CDH13: variants seen among roughly 807,000 people sequenced by gnomAD.
The protein encoded by CDH13 is cadherin-13.
Under a neutral mutation model 63.8 loss-of-function variants are expected in CDH13, and 24 were observed. That is an observed-to-expected ratio of 0.38 (90% confidence interval 0.27 to 0.53). The LOEUF (loss-of-function observed/expected upper bound fraction) is 0.53, where lower values mean the gene tolerates loss of function less well. Among genes scored for constraint, CDH13 ranks in the 20% least tolerant of loss-of-function variants. The pLI is 0.85. For synonymous variants in CDH13, 503 were observed against 355.3 expected, an observed-to-expected ratio of 1.42 and a Z score of -4.67; for missense variants, 1,049 against 903.1, an observed-to-expected ratio of 1.16 and a Z score of -2.07.
intron 5 of CDH13, among the ~76,000 whole-genome samples, chr16:83,333,956 G>C (rs979242936): frequency 6.6e-6 from 1 of 152,174 alleles, no homozygotes; most frequent in African/African-American, 2.4e-5. Context: ...TTGCAGTTCT[G>C]TAAGCTGAGA....
intron 10 of CDH13, among the ~76,000 whole-genome samples, chr16:83,680,033 T>C (rs1293093275): frequency 6.6e-6 from 1 of 152,204 alleles, no homozygotes; most frequent in African/African-American, 2.4e-5. Flanking sequence ...AGACCAGCTC[T>C]GCTGACTTGG....
intron 1 of CDH13, among the ~76,000 whole-genome samples, chr16:82,808,246 A>T (rs139511453): frequency 2.6e-3 from 390 of 152,306 alleles, no homozygotes; most frequent in African/African-American, 8.9e-3. Context: ...TGCACGCATG[A>T]AATGATTTGC....
chr16:82,961,285 G>A (rs34071857), intron 2 of CDH13, among the ~76,000 whole-genome samples: 5 of 152,056 alleles, frequency 3.3e-5, no homozygotes, highest in South Asian at 2.1e-4. Context: ...ACAGCCGCCC[G>A]TCATTTTCCC....
intron 3 of CDH13, among the ~76,000 whole-genome samples, chr16:83,089,548 C>T (rs1212581516): frequency 6.6e-6 from 1 of 152,194 alleles, no homozygotes; most frequent in Non-Finnish European, 1.5e-5. Flanking sequence ...AGGAGTCCTG[C>T]AGTTTCAGCA....
chr16:83,040,055 G>A (rs565204360), intron 3 of CDH13, among the ~76,000 whole-genome samples: 1 of 151,576 alleles, frequency 6.6e-6, no homozygotes, highest in Non-Finnish European at 1.5e-5. Context: ...TCTTAATGCT[G>A]AGCTCCTGAG....
intron 6 of CDH13, among the ~76,000 whole-genome samples, chr16:83,456,242 G>A (rs536746798): frequency 1.6e-4 from 24 of 152,350 alleles, no homozygotes; most frequent in African/African-American, 4.8e-4. Context: ...AAGGATGTCG[G>A]GATGTGGCAG....
In CDH13 at chr16:83,308,055, C is replaced by CTT. The variant is rs539711593; in HGVS notation, c.637-36806_637-36805insTT. On this transcript the variant is annotated intron_variant, in intron 5 of 13. Coordinates refer to ENST00000567109, the MANE Select transcript of CDH13 (RefSeq NM_001257.5). ...ATTACCTCAATCAGAAGCCAAATAA[C>CTT]TAATTGTAAAAGCTCTAAAATATGC... 1.2e-3 allele frequency among the ~76,000 whole-genome samples: 184 copies of CTT among 152,238 alleles called. 1 individual carries two copies. Among genetic ancestry groups the CTT allele is most frequent in the African/African-American group, 4.3e-3 (177 of 41,548 alleles).
rs77540813 is a variant in CDH13 at position 82,992,273 on chromosome 16, C to G, written c.158-39737C>G. On this transcript the variant is annotated intron_variant, in intron 2 of 13. Coordinates refer to ENST00000567109, the MANE Select transcript of CDH13 (RefSeq NM_001257.5). ...TGAAATGAAGAGCTTGGCCTGAAAT[C>G]AGCAGCTCTCAAATTTTCGTGGGCA... Among the ~76,000 whole-genome samples, 474 of 152,300 alleles carry G rather than the reference C, an allele frequency of 3.1e-3. 8 individuals are homozygous for G. The highest frequency in any genetic ancestry group is 3.6e-3 in the Non-Finnish European group (245 of 68,028).
chr16:83,030,944 G>T (rs1000118423), intron 2 of CDH13, among the ~76,000 whole-genome samples: 1 of 151,676 alleles, frequency 6.6e-6, no homozygotes, highest in African/African-American at 2.4e-5. Context: ...TATTCCATAT[G>T]GACTGAGCAT....
intron 10 of CDH13, among the ~76,000 whole-genome samples, chr16:83,679,515 AC>A (rs1915231221): frequency 6.6e-6 from 1 of 152,240 alleles, no homozygotes; most frequent in Admixed American, 6.5e-5. Context: ...ATTTTCCAAC[AC>A]CAAAAGTGGA....
At chr16:83,087,488 C>A (rs929742341) in intron 3 of CDH13, among the ~76,000 whole-genome samples, 1 of 151,800 alleles carries the variant, frequency 6.6e-6, no homozygotes, top group African/African-American at 2.4e-5. Flanking sequence ...CCCAACATGT[C>A]GAAACCCTGT....
At chr16:82,948,115 C>G (rs16958917) in intron 2 of CDH13, among the ~76,000 whole-genome samples, 9,456 of 152,180 alleles carry the variant, frequency 0.062, 445 homozygotes, top group East Asian at 0.16. Context: ...GCCGGTAACT[C>G]TAACGTTATT....
At chr16:82,817,669 G>A (rs11863426) in intron 1 of CDH13, among the ~76,000 whole-genome samples, 11,697 of 152,112 alleles carry the variant, frequency 0.077, 538 homozygotes, top group Middle Eastern at 0.13. Flanking sequence ...GCCAGGTGTG[G>A]TGGTGCACAC....
intron 6 of CDH13, among the ~76,000 whole-genome samples, chr16:83,461,289 G>A (rs2073175681): frequency 6.6e-6 from 1 of 152,026 alleles, no homozygotes; most frequent in African/African-American, 2.4e-5. Context: ...GGAAGTATCA[G>A]CTATGTAACA....
intron 1 of CDH13, among the ~76,000 whole-genome samples, chr16:82,685,114 A>C (rs1478768425): frequency 6.6e-6 from 1 of 152,176 alleles, no homozygotes; most frequent in Non-Finnish European, 1.5e-5. Flanking sequence ...GAAATGATCC[A>C]ATGAGGGGAA....
intron 6 of CDH13, among the ~76,000 whole-genome samples, chr16:83,361,015 T>TG (rs544635165): frequency 2.4e-4 from 36 of 152,240 alleles, no homozygotes; most frequent in Non-Finnish European, 4.7e-4. Flanking sequence ...ATTGCCAAAC[T>TG]GCTTTCCACA....
chr16:82,677,006 C>G (rs566797718), intron 1 of CDH13, among the ~76,000 whole-genome samples: 1 of 152,330 alleles, frequency 6.6e-6, no homozygotes, highest in Admixed American at 6.5e-5. Flanking sequence ...GCCTCAGCCT[C>G]TCAAGTAGCT....
intron 2 of CDH13, among the ~76,000 whole-genome samples, chr16:82,949,369 A>G (rs1905065755): frequency 6.6e-6 from 1 of 152,112 alleles, no homozygotes; most frequent in African/African-American, 2.4e-5. Context: ...TATGGACCCC[A>G]CGCATACTGG....
At chr16:83,265,727 C>CTTTTT (rs71272416) in intron 5 of CDH13, among the ~76,000 whole-genome samples, 11 of 42,570 alleles carry the variant, frequency 2.6e-4, no homozygotes, top group Non-Finnish European at 3.3e-4. Flanking sequence ...TAAATTTCTG[C>CTTTTT]TTTTTTTTTT....
Sources: gnomAD v4.1 joint callset for allele counts (sites outside exome capture counted in the v4.1 genomes callset) on GRCh38, gnomAD v4.1.1 for gene constraint, MANE v1.5 for transcripts, NCBI Gene and HGNC (gene_info 2026-07-23, HGNC 2026-07-21) for gene names.